Variants in MASP2 observed in about 807,000 individuals in gnomAD.
MASP2 encodes MBL associated serine protease 2.
A neutral mutation model predicts 57.1 loss-of-function variants in MASP2; 49 were observed. The ratio of observed to expected loss-of-function variants is 0.86; its 90% CI spans 0.68 to 1.09. The LOEUF (loss-of-function observed/expected upper bound fraction) is 1.09. MASP2 is among the 50% of genes least tolerant of loss of function. The pLI, the probability that MASP2 is intolerant of heterozygous loss-of-function variation, is 0.00. For missense variants in MASP2, 900 were observed against 874.8 expected (o/e 1.03, Z -0.36); for synonymous variants, 379 against 340.8 (o/e 1.11, Z -1.24).
chr1:11,034,428 T>G (rs1474356580), intron 8 of MASP2, among the ~76,000 whole-genome samples: 4 of 146,058 alleles, frequency 2.7e-5, no homozygotes, highest in African/African-American at 1.0e-4. Context: ...CCGGGCACAG[T>G]GGCTCACGCC....
At position 11,045,430 on chromosome 1, in the gene MASP2, G is replaced by C. The variant is rs1358071130; in HGVS notation, c.522C>G (p.His174Gln). The C allele has an allele frequency of 6.2e-7, 1 of 1,613,284 alleles. No homozygotes were observed. The highest frequency in any genetic ancestry group is 1.3e-5 in the African/African-American group (1 of 75,034). The change falls in exon 4 of 11, where the codon CAC becomes CAG. Residue 174 changes from histidine (H) to glutamine (Q), a missense_variant. Coordinates refer to ENST00000400897, the MANE Select transcript of MASP2 (RefSeq NM_006610.4). ...CACCTGAGCAGGTGCGCTTGTTACG[G>C]TGCAGGACGTAGCCTGCGCGGCAGG... ...YCSCRAGYVL[H>Q]RNKRTCSALC... is the part of the protein sequence containing the mutation.
In MASP2 at chr1:11,026,786, A is replaced by G. The variant is rs1570731082; in HGVS notation, c.*99T>C. The G allele has an allele frequency of 5.9e-6, 6 of 1,022,084 alleles. No homozygotes were observed. The highest frequency in any genetic ancestry group is 5.7e-5 in the East Asian group (2 of 34,978). The allele number at this position is 1,022,084 out of a possible 1,614,324, so 63.3% of individuals were successfully genotyped here. A position where few individuals can be genotyped will look rare whatever the true frequency, so the allele number is the denominator to read the frequency against. On this transcript the variant is annotated 3_prime_UTR_variant, in exon 11 of 11. Coordinates refer to ENST00000400897, the MANE Select transcript of MASP2 (RefSeq NM_006610.4). Reference sequence around the variant, plus strand: ...TTTTTTGGGTGGAGCAACAACTGCCATGTCCACAGTAATGATGAATGCTTC... The same window carrying G: ...TTTTTTGGGTGGAGCAACAACTGCCGTGTCCACAGTAATGATGAATGCTTC...
chr1:11,030,355 ACAT>A (rs1643823587), intron 9 of MASP2, 105 bp from the exon 10 acceptor site: 2 of 753,082 alleles, frequency 2.7e-6, no homozygotes, highest in African/African-American at 3.5e-5. Flanking sequence ...CATCAGTGGG[ACAT>A]AGAGGTGTCT....
chr1:11,031,823 G>T lies in MASP2; in HGVS notation c.1088-941C>A, dbSNP rs1643850702. Among the ~76,000 whole-genome samples, 3 of 152,126 alleles carry T rather than the reference G, an allele frequency of 2.0e-5. No homozygotes were observed. The South Asian group carries it at 6.2e-4, about 32-fold the overall frequency. On this transcript the variant is annotated intron_variant, in intron 8 of 10. Coordinates refer to ENST00000400897, the MANE Select transcript of MASP2 (RefSeq NM_006610.4). ...AGCTACTCAGGAGGCTGAAGCAGGA[G>T]GATGGCTTGAGCCTGGGAGGATGAG... is the stretch of plus-strand genomic sequence containing the variant.
chr1:11,042,829 G>A, intron 6 of MASP2, 46 bp downstream of exon 6: 2 of 1,605,278 alleles, frequency 1.2e-6, no homozygotes, highest in African/African-American at 1.3e-5. Flanking sequence ...CCAGGAGAGA[G>A]GGCAGCTCTG....
chr1:11,043,000 T>C lies in MASP2; in HGVS notation c.764A>G (p.His255Arg). 6.2e-7 allele frequency: 1 copy of C among 1,613,940 alleles called. No homozygotes were observed. The highest frequency in any genetic ancestry group is 8.5e-7 in the Non-Finnish European group (1 of 1,179,906). ...CAATGTCTTCCCACAGAATGGGCCA[T>C]GTTCTTCTCTGTCTGTTTGAATCTG... ...FLKIQTDREE[H>R]GPFCGKTLPH... is the part of the protein sequence containing the mutation. The change falls in exon 6 of 11, where the codon CAT (histidine) becomes CGT (arginine). Residue 255 changes from histidine (H) to arginine (R), a missense_variant. Physicochemically the swap from His to Arg is conservative, Grantham distance 29. Transcript: ENST00000400897.
chr1:11,046,633 C>A lies in MASP2; in HGVS notation c.335G>T (p.Ser112Ile). 1 of 1,613,690 alleles carries A rather than the reference C, an allele frequency of 6.2e-7. No individual in the cohort carries two copies. Among genetic ancestry groups the A allele is most frequent in the African/African-American group, 1.3e-5 (1 of 75,082 alleles). The stretch of plus-strand genomic sequence containing the variant: ...GTCGGAGCGGAAGGTAATGTCCAGG[C>A]TGGAGCCCAGCGAGTAGAAAGTGTC... ...GKDTFYSLGS[S>I]LDITFRSDYS... Residue 112 changes from serine (S) to isoleucine (I), a missense_variant, in exon 3 of 11, where the codon AGC (serine) becomes ATC (isoleucine). Transcript: ENST00000400897.
At position 11,027,060 on chromosome 1, in the gene MASP2, C is replaced by T. The variant is rs1236065829; in HGVS notation, c.1886G>A (p.Cys629Tyr). 2.5e-6 allele frequency: 4 copies of T among 1,593,504 alleles called. No homozygotes were observed. The highest frequency in any genetic ancestry group is 3.4e-6 in the Non-Finnish European group (4 of 1,169,996). ...AGLESGGKDS[C>Y]RGDSGGALVF... ...CAGTGCCCCTCCGCTGTCACCTCTG[C>T]AGCTGTCCTTGCCCCCACTTTCTAA... The change falls in exon 11 of 11, where the codon TGC becomes TAC. Residue 629 changes from cysteine (C) to tyrosine (Y), a missense_variant. Transcript: ENST00000400897.
intron 8 of MASP2, among the ~76,000 whole-genome samples, chr1:11,032,094 G>C (rs1048507294): frequency 1.3e-5 from 2 of 151,898 alleles, no homozygotes; most frequent in Non-Finnish European, 2.9e-5. Context: ...AAAAGGAGCT[G>C]GGTATGTGGC....
At chr1:11,045,583 G>C in intron 3 of MASP2, 44 bp from the exon 4 acceptor site, 1 of 1,568,314 alleles carries the variant, frequency 6.4e-7, no homozygotes, top group Non-Finnish European at 8.6e-7. Context: ...GAGGGAAAGA[G>C]GCGGGATCCA....
At position 11,035,458 on chromosome 1, in the gene MASP2, C is replaced by T. The variant is rs149016056; in HGVS notation, c.1009-552G>A. 3.0e-3 allele frequency among the ~76,000 whole-genome samples: 457 copies of T among 152,116 alleles called. 3 individuals carry two copies. Among genetic ancestry groups the T allele is most frequent in the Middle Eastern group, 0.014 (4 of 294 alleles). On this transcript the variant is annotated intron_variant, in intron 7 of 10. Coordinates refer to ENST00000400897, the MANE Select transcript of MASP2 (RefSeq NM_006610.4). ...AGGAGAATTGCTTGAACCTGTGAGG[C>T]GGGGGTTGCAGTGAGCCGATATTGC...
chr1:11,037,868 G>A, intron 6 of MASP2, 57 bp from the exon 7 acceptor site: 2 of 959,010 alleles, frequency 2.1e-6, no homozygotes, highest in Non-Finnish European at 3.2e-6. Flanking sequence ...AGCCAAGACT[G>A]AATCGAGCCA....
At chr1:11,043,132 C>T in intron 5 of MASP2, 110 bp from the exon 6 acceptor site, 1 of 1,264,738 alleles carries the variant, frequency 7.9e-7, no homozygotes, top group Non-Finnish European at 1.1e-6. Context: ...GAGGCCAACC[C>T]AGGCCATGGA....
intron 4 of MASP2, chr1:11,044,718 A>C (rs1260992643): frequency 3.9e-6 from 5 of 1,295,652 alleles, no homozygotes; most frequent in Non-Finnish European, 5.2e-6. Context: ...GGGGTTCATG[A>C]GGCTGTGAGG....
intron 6 of MASP2, 92 bp downstream of exon 6, chr1:11,042,783 C>T: frequency 7.0e-7 from 1 of 1,435,228 alleles, no homozygotes. Context: ...AGTCCTGGCC[C>T]AGAAGGAGCC....
At chr1:11,032,144 G>GA (rs1207976672) in intron 8 of MASP2, among the ~76,000 whole-genome samples, 3 of 150,086 alleles carry the variant, frequency 2.0e-5, no homozygotes, top group Non-Finnish European at 4.4e-5. Flanking sequence ...GCTGAGACAG[G>GA]AGGATCACTT....
At chr1:11,036,783 C>T (rs1638252866) in intron 7 of MASP2, among the ~76,000 whole-genome samples, 1 of 151,972 alleles carries the variant, frequency 6.6e-6, no homozygotes, top group African/African-American at 2.4e-5. Flanking sequence ...CCTAAAGCAA[C>T]ACGCTAAGCA....
chr1:11,031,526 CTT>C (rs1203510112), intron 8 of MASP2, among the ~76,000 whole-genome samples: 350 of 7,254 alleles, frequency 0.048, 4 homozygotes, highest in African/African-American at 0.13. Flanking sequence ...AAGACTCTGT[CTT>C]AAAAAAAAAA....
chr1:11,046,798 C>A (rs750818016), intron 2 of MASP2, 65 bp from the exon 3 acceptor site: 15 of 1,562,290 alleles, frequency 9.6e-6, no homozygotes, highest in African/African-American at 4.1e-5. Context: ...CCTGGCCAAG[C>A]CTGGCCCCTG....
Sources: allele counts gnomAD v4.1 joint callset (sites outside exome capture counted in the v4.1 genomes callset), GRCh38; gene constraint gnomAD v4.1.1; transcripts MANE v1.5; gene names NCBI Gene and HGNC (gene_info 2026-07-23, HGNC 2026-07-21).